MMRN1: variants seen among roughly 807,000 people sequenced by gnomAD.
MMRN1 encodes multimerin 1.
Under a neutral mutation model 100.7 loss-of-function variants are expected in MMRN1, and 94 were observed. The observed-to-expected ratio is 0.93, with a 90% CI of 0.79 to 1.11. The LOEUF (loss-of-function observed/expected upper bound fraction) is 1.11. Among genes scored for constraint, MMRN1 ranks in the 50% least tolerant of loss-of-function variants. The pLI, the probability that MMRN1 is intolerant of heterozygous loss-of-function variation, is 0.00. For missense variants in MMRN1, 1,606 were observed against 1,439.1 expected (o/e 1.12, Z -1.88); for synonymous variants, 575 against 505.0 (o/e 1.14, Z -1.86).
At chr4:89,885,305 T>C (rs991439146) in intron 1 of MMRN1, among the ~76,000 whole-genome samples, 1 of 152,140 alleles carries the variant, frequency 6.6e-6, no homozygotes, top group Non-Finnish European at 1.5e-5. Flanking sequence ...CATGATATAT[T>C]AGCTTTTTAC....
chr4:89,952,894 T>C, intron 7 of MMRN1, 103 bp from the exon 8 acceptor site: 2 of 1,170,176 alleles, frequency 1.7e-6, no homozygotes, highest in South Asian at 1.6e-5. Context: ...CTTTCTCTTC[T>C]GCTAAGACTT....
At position 89,935,374 on chromosome 4, in the gene MMRN1, A is replaced by G; in HGVS notation, c.1694A>G (p.Glu565Gly). 6.2e-7 allele frequency: 1 copy of G among 1,613,418 alleles called. No individual in the cohort carries two copies. Among genetic ancestry groups the G allele is most frequent in the Non-Finnish European group, 8.5e-7 (1 of 1,179,732 alleles). The change falls in exon 6 of 8, where the codon GAA becomes GGA. Residue 565 changes from glutamate to glycine, a missense_variant. Glu to Gly is a moderately conservative substitution (Grantham distance 98). Transcript: ENST00000264790. ...AGTTTGATGATGCTGCAAATGTTTG[A>G]AGATTTGCACATTCAAGAAAGCAAG... ...KQSLMMLQMF[E>G]DLHIQESKIN...
chr4:89,923,998 T>A lies in MMRN1; in HGVS notation c.955+726T>A, dbSNP rs576628946. On this transcript the variant is annotated intron_variant, in intron 4 of 7. Coordinates refer to ENST00000264790, the MANE Select transcript of MMRN1 (RefSeq NM_007351.3). ...AAGGGATTGAAATTCAGTATCTTTATAAAAGACCATAATATTCTTGAATTA... is the reference window on the plus strand; with the variant it reads ...AAGGGATTGAAATTCAGTATCTTTAAAAAAGACCATAATATTCTTGAATTA... Among the ~76,000 whole-genome samples the A allele has an allele frequency of 2.6e-5, 4 of 152,322 alleles. No homozygotes were observed. In the South Asian group the frequency reaches 8.3e-4, roughly 32 times the overall value.
chr4:89,896,683 C>A (rs1295773122), intron 1 of MMRN1, among the ~76,000 whole-genome samples: 5 of 151,938 alleles, frequency 3.3e-5, no homozygotes, highest in African/African-American at 1.2e-4. Flanking sequence ...GTTGACACAC[C>A]TGCTATGTGA....
chr4:89,892,364 T>TA (rs1342765861), upstream of MMRN1, among the ~76,000 whole-genome samples: 1 of 151,428 alleles, frequency 6.6e-6, no homozygotes, highest in Non-Finnish European at 1.5e-5. Context: ...CCAACAATAG[T>TA]ATTTTAGTAT....
At chr4:89,931,283 C>T (rs996141769) in intron 5 of MMRN1, among the ~76,000 whole-genome samples, 1 of 152,074 alleles carries the variant, frequency 6.6e-6, no homozygotes, top group African/African-American at 2.4e-5. Flanking sequence ...TCAAACAATA[C>T]ATCATTCTAT....
rs1297237638 is a variant in MMRN1, at chr4:89,917,291, C to T, written c.850+5241C>T. ...TAAAATGCAACTTAAAATAACATGT[C>T]ACTATTTATAATAAAGCTTTACCAA... is the stretch of plus-strand genomic sequence containing the variant. On this transcript the variant is annotated intron_variant, in intron 3 of 7. Coordinates refer to ENST00000264790, the MANE Select transcript of MMRN1 (RefSeq NM_007351.3). 3.3e-5 allele frequency among the ~76,000 whole-genome samples: 5 copies of T among 151,862 alleles called. No homozygotes were observed. The East Asian group carries it at 7.7e-4, about 23-fold the overall frequency.
chr4:89,923,385 C>T, intron 4 of MMRN1, 113 bp downstream of exon 4: 1 of 947,592 alleles, frequency 1.1e-6, no homozygotes. Flanking sequence ...GACACATTAG[C>T]ATACTTCTCA....
chr4:89,945,632 A>G (rs1040635751), intron 6 of MMRN1, among the ~76,000 whole-genome samples: 11 of 152,122 alleles, frequency 7.2e-5, no homozygotes, highest in African/African-American at 2.7e-4. Flanking sequence ...CTCTTGATTG[A>G]TGGTTATAAC....
At chr4:89,892,417 A>G (rs1339635039), upstream of MMRN1, among the ~76,000 whole-genome samples, 2 of 151,696 alleles carry the variant, frequency 1.3e-5, no homozygotes, top group African/African-American at 4.8e-5. Flanking sequence ...GAGTAAACTG[A>G]GTACTCTTCA....
chr4:89,934,664 T>A (rs1203985330), intron 5 of MMRN1, 146 bp from the exon 6 acceptor site: 2 of 439,230 alleles, frequency 4.6e-6, no homozygotes, highest in Admixed American at 4.0e-5. Flanking sequence ...TTATAGTAAT[T>A]TTTAAAATTC....
At chr4:89,893,088 T>C, upstream of MMRN1, among the ~76,000 whole-genome samples, 1 of 152,028 alleles carries the variant, frequency 6.6e-6, no homozygotes, top group Non-Finnish European at 1.5e-5. Context: ...CCTTTTTCTT[T>C]CTACTGAAAA....
intron 5 of MMRN1, among the ~76,000 whole-genome samples, chr4:89,931,292 A>G (rs1210150758): frequency 1.3e-5 from 2 of 152,110 alleles, no homozygotes; most frequent in Non-Finnish European, 2.9e-5. Flanking sequence ...ACATCATTCT[A>G]TTTTTAATAA....
At position 89,895,065 on chromosome 4, in the gene MMRN1, G is replaced by C. The variant is rs1448360912; in HGVS notation, c.94G>C (p.Asp32His). 1.9e-6 allele frequency: 3 copies of C among 1,613,804 alleles called. No individual in the cohort carries two copies. Among genetic ancestry groups the C allele is most frequent in the Non-Finnish European group, 2.5e-6 (3 of 1,179,912 alleles). Residue 32 changes from aspartate (D) to histidine (H), a missense_variant, in exon 1 of 8, where the codon GAT becomes CAT. By Grantham distance (81) the Asp-to-His change is moderately conservative. Transcript: ENST00000264790. ...TAAGCATTCTTGGACTATACCTGAG[G>C]ATGGGAACTCTCAGAAGACTATGCC... ...NSKHSWTIPEDGNSQKTMPSA... is the reference protein window; with the variant it reads ...NSKHSWTIPEHGNSQKTMPSA...
chr4:89,895,735 A>C (rs900583592), intron 1 of MMRN1, 141 bp downstream of exon 1: 1 of 1,376,676 alleles, frequency 7.3e-7, no homozygotes, highest in East Asian at 2.5e-5. Context: ...CATTTCAGTT[A>C]GATAAAGTTA....
chr4:89,937,395 C>A (rs563700131), intron 6 of MMRN1, among the ~76,000 whole-genome samples: 15 of 151,920 alleles, frequency 9.9e-5, no homozygotes, highest in Non-Finnish European at 1.2e-4. Context: ...AGTGTGATTG[C>A]AGAGGTGATA....
chr4:89,894,148 T>C (rs1467185889), upstream of MMRN1, among the ~76,000 whole-genome samples: 1 of 152,174 alleles, frequency 6.6e-6, no homozygotes, highest in Middle Eastern at 3.2e-3. Flanking sequence ...CAATCGTGAT[T>C]GGAAAATAAA....
chr4:89,894,864 C>T lies in MMRN1; in HGVS notation c.-108C>T, dbSNP rs975441384. 2.7e-6 allele frequency: 4 copies of T among 1,484,228 alleles called. No individual in the cohort carries two copies. In the African/African-American group the frequency reaches 5.6e-5, roughly 21 times the overall value. 91.9% of individuals were successfully genotyped at this position (1,484,228 alleles called of 1,614,324 possible). Reference sequence around the variant, plus strand: ...ACCTGTTTCCTCTACACATCTCAAACTGGCAAAACTCAGTCTTAGCAGATT... The same window carrying T: ...ACCTGTTTCCTCTACACATCTCAAATTGGCAAAACTCAGTCTTAGCAGATT... On this transcript the variant is annotated 5_prime_UTR_variant, in exon 1 of 8. Coordinates refer to ENST00000264790, the MANE Select transcript of MMRN1 (RefSeq NM_007351.3).
chr4:89,881,854 C>T (rs941105606), intron 1 of MMRN1, among the ~76,000 whole-genome samples: 4 of 151,876 alleles, frequency 2.6e-5, no homozygotes, highest in South Asian at 2.1e-4. Flanking sequence ...AGTGTAATAA[C>T]GTATGCATTA....
Sources: gnomAD v4.1 joint callset for allele counts (sites outside exome capture counted in the v4.1 genomes callset) on GRCh38, gnomAD v4.1.1 for gene constraint, MANE v1.5 for transcripts, NCBI Gene and HGNC (gene_info 2026-07-23, HGNC 2026-07-21) for gene names.